The following KCNIP4 variants were observed in gnomAD, a reference collection of about 807,000 sequenced individuals.
KCNIP4 encodes the protein potassium voltage-gated channel interacting protein 4.
Under a neutral mutation model 34.0 loss-of-function variants are expected in KCNIP4, and 12 were observed. That is an observed-to-expected ratio of 0.35 (90% confidence interval 0.23 to 0.57). KCNIP4 has a LOEUF of 0.57. KCNIP4 is among the 20% of genes least tolerant of loss of function. The probability of loss-of-function intolerance (pLI) is 0.83; values close to 1 mark genes in which losing one functional copy is unlikely to be tolerated. For missense variants in KCNIP4, 238 were observed against 311.7 expected (o/e 0.76, Z 1.78); for synonymous variants, 124 against 102.2 (o/e 1.21, Z -1.29).
At chr4:21,928,224 G>C (rs1229319781) in intron 1 of KCNIP4, among the ~76,000 whole-genome samples, 1 of 151,910 alleles carries the variant, frequency 6.6e-6, no homozygotes, top group Admixed American at 6.6e-5. Flanking sequence ...TAAAGAGTCA[G>C]CTTGGGCTAG....
At chr4:21,600,986 A>G (rs1388864173) in intron 1 of KCNIP4, among the ~76,000 whole-genome samples, 1 of 151,962 alleles carries the variant, frequency 6.6e-6, no homozygotes, top group Non-Finnish European at 1.5e-5. Context: ...ATCTTACTAA[A>G]GAAGGCCATC....
At chr4:21,260,360 T>C (rs886808348) in intron 1 of KCNIP4, among the ~76,000 whole-genome samples, 2 of 152,218 alleles carry the variant, frequency 1.3e-5, no homozygotes, top group Non-Finnish European at 2.9e-5. Context: ...GGACTATACA[T>C]AGCTATTTAT....
At chr4:21,893,806 TG>T (rs1352022548) in intron 1 of KCNIP4, among the ~76,000 whole-genome samples, 3 of 152,176 alleles carry the variant, frequency 2.0e-5, no homozygotes, top group African/African-American at 7.2e-5. Flanking sequence ...AAGCTGTAGT[TG>T]CATGGTATTT....
chr4:21,256,576 G>A (rs1761078622), intron 1 of KCNIP4, among the ~76,000 whole-genome samples: 1 of 152,064 alleles, frequency 6.6e-6, no homozygotes, highest in Admixed American at 6.6e-5. Flanking sequence ...TTCAGCCTGG[G>A]TGACAGAGTA....
intron 1 of KCNIP4, among the ~76,000 whole-genome samples, chr4:21,904,105 T>C (rs1727861090): frequency 6.6e-6 from 1 of 152,110 alleles, no homozygotes; most frequent in Non-Finnish European, 1.5e-5. Flanking sequence ...TAGTCCAAAA[T>C]TTCAGAAATC....
intron 1 of KCNIP4, among the ~76,000 whole-genome samples, chr4:21,105,793 T>G (rs916619286): frequency 6.6e-6 from 1 of 151,348 alleles, no homozygotes; most frequent in Non-Finnish European, 1.5e-5. Flanking sequence ...TTATTGAGAG[T>G]TTTTAGCATG....
chr4:21,872,087 A>T (rs547391430), intron 1 of KCNIP4, among the ~76,000 whole-genome samples: 82 of 152,204 alleles, frequency 5.4e-4, no homozygotes, highest in Middle Eastern at 3.4e-3. Context: ...CAGAGAGCTT[A>T]AGTGTCCTAT....
At chr4:21,019,772 T>C (rs1739878963) in intron 1 of KCNIP4, among the ~76,000 whole-genome samples, 2 of 152,192 alleles carry the variant, frequency 1.3e-5, no homozygotes, top group Non-Finnish European at 2.9e-5. Flanking sequence ...CATTACTTTA[T>C]TAGAATTAAT....
chr4:20,925,698 G>A (rs1729833954), intron 1 of KCNIP4, among the ~76,000 whole-genome samples: 1 of 152,038 alleles, frequency 6.6e-6, no homozygotes, highest in Middle Eastern at 3.4e-3. Context: ...CTTGGGGTCT[G>A]GATTGGGACC....
intron 5 of KCNIP4, among the ~76,000 whole-genome samples, chr4:20,743,266 C>G (rs1052387948): frequency 6.6e-6 from 1 of 152,140 alleles, no homozygotes; most frequent in Non-Finnish European, 1.5e-5. Context: ...TTGGAAAAAA[C>G]TACTTTAAAG....
chr4:21,839,060 G>A (rs752702856), intron 1 of KCNIP4, among the ~76,000 whole-genome samples: 2 of 152,070 alleles, frequency 1.3e-5, no homozygotes, highest in Admixed American at 6.6e-5. Context: ...AAGGAAATAT[G>A]CCTCTAGCAA....
chr4:21,325,857 C>A (rs1320194667), intron 1 of KCNIP4, among the ~76,000 whole-genome samples: 2 of 151,896 alleles, frequency 1.3e-5, no homozygotes. Context: ...TATTGACACA[C>A]TTGTCATTCA....
intron 1 of KCNIP4, among the ~76,000 whole-genome samples, chr4:21,809,734 T>C (rs1721512853): frequency 6.6e-6 from 1 of 152,178 alleles, no homozygotes; most frequent in Admixed American, 6.5e-5. Flanking sequence ...TTTTTTGTTA[T>C]TTAACTCTAC....
At chr4:21,648,467 G>A (rs1747203109) in intron 1 of KCNIP4, among the ~76,000 whole-genome samples, 1 of 152,112 alleles carries the variant, frequency 6.6e-6, no homozygotes, top group South Asian at 2.1e-4. Flanking sequence ...GTAATTCCTG[G>A]ACTCTGGTAA....
intron 1 of KCNIP4, among the ~76,000 whole-genome samples, chr4:21,041,552 T>C (rs1212777097): frequency 6.6e-6 from 1 of 152,236 alleles, no homozygotes; most frequent in African/African-American, 2.4e-5. Flanking sequence ...TTACTGTTTG[T>C]ACCTCAAAAT....
At chr4:21,252,593 C>T (rs748002021) in intron 1 of KCNIP4, among the ~76,000 whole-genome samples, 4 of 152,038 alleles carry the variant, frequency 2.6e-5, no homozygotes, top group Non-Finnish European at 2.9e-5. Context: ...ACAATGTTAA[C>T]ACCCCTGTGT....
At chr4:21,309,494 AT>A (rs376833751) in intron 1 of KCNIP4, among the ~76,000 whole-genome samples, 100 of 152,334 alleles carry the variant, frequency 6.6e-4, no homozygotes, top group Non-Finnish European at 8.5e-4. Context: ...AATTAAAAAA[AT>A]ATATCCTTAG....
At chr4:20,827,737 G>A (rs956290683) in intron 3 of KCNIP4, among the ~76,000 whole-genome samples, 1 of 150,908 alleles carries the variant, frequency 6.6e-6, no homozygotes, top group African/African-American at 2.4e-5. Flanking sequence ...ATAGAGCAAA[G>A]CTGTATCAAT....
chr4:21,820,281 G>GTATA (rs1485869715), intron 1 of KCNIP4, among the ~76,000 whole-genome samples: 3 of 17,904 alleles, frequency 1.7e-4, no homozygotes, highest in Admixed American at 7.8e-4. Flanking sequence ...GTATGTGTGT[G>GTATA]TGTGTATATA....
Sources: gnomAD v4.1 joint callset for allele counts (sites outside exome capture counted in the v4.1 genomes callset) on GRCh38, gnomAD v4.1.1 for gene constraint, MANE v1.5 for transcripts, NCBI Gene and HGNC (gene_info 2026-07-23, HGNC 2026-07-21) for gene names.